MACROD2: variants seen among roughly 807,000 people sequenced by gnomAD.
The protein encoded by MACROD2 is mono-ADP ribosylhydrolase 2.
In MACROD2, 36 loss-of-function variants were observed where a neutral mutation model predicts 70.4. The observed-to-expected ratio is 0.51, with a 90% CI of 0.39 to 0.68. The LOEUF (loss-of-function observed/expected upper bound fraction) is 0.68, where lower values mean the gene tolerates loss of function less well. Ranked by LOEUF, MACROD2 falls within the 30% of genes least tolerant of loss-of-function variation. The probability of loss-of-function intolerance (pLI) is 0.00; values close to 1 mark genes in which losing one functional copy is unlikely to be tolerated. For synonymous variants in MACROD2, 172 were observed against 178.8 expected (o/e 0.96, Z 0.30); for missense variants, 496 against 538.4 (o/e 0.92, Z 0.78).
At chr20:14,576,635 C>T (rs62202890) in intron 4 of MACROD2, among the ~76,000 whole-genome samples, 147 of 152,122 alleles carry the variant, frequency 9.7e-4, no homozygotes, top group Middle Eastern at 3.4e-3. Flanking sequence ...ATGGATCCAA[C>T]GTAAATGTGT....
intron 5 of MACROD2, among the ~76,000 whole-genome samples, chr20:14,727,478 T>C (rs926709045): frequency 2.0e-5 from 3 of 151,694 alleles, no homozygotes; most frequent in Non-Finnish European, 4.4e-5. Flanking sequence ...GAAGCTGCAG[T>C]GAGCCATGAT....
chr20:15,681,371 G>A (rs919917320), intron 8 of MACROD2, among the ~76,000 whole-genome samples: 14 of 152,202 alleles, frequency 9.2e-5, no homozygotes, highest in Admixed American at 7.2e-4. Context: ...GGGGCCTAGT[G>A]ACAGGTGAGA....
At chr20:14,608,016 G>T (rs1982916104) in intron 4 of MACROD2, among the ~76,000 whole-genome samples, 1 of 152,142 alleles carries the variant, frequency 6.6e-6, no homozygotes, top group Admixed American at 6.6e-5. Flanking sequence ...ACTTTGGGAG[G>T]CCGAGGTGGG....
At position 14,684,951 on chromosome 20, in the gene MACROD2, C is replaced by A; in HGVS notation, c.410C>A (p.Pro137His). ...AAAATCACATGTGGCTATGACCTTC[C>A]TGCAAAATGTGAGTACAACTGAATA... is the stretch of plus-strand genomic sequence containing the variant. ...HAKITCGYDL[P>H]AKYVIHTVGP... Residue 137 changes from proline (P) to histidine (H), a missense_variant, in exon 5 of 18, where the codon CCT becomes CAT. Physicochemically the swap from Pro to His is moderately conservative, Grantham distance 77. Coordinates refer to ENST00000684519, the MANE Select transcript of MACROD2 (RefSeq NM_001351661.2). 1 of 1,612,732 alleles carries A rather than the reference C, an allele frequency of 6.2e-7. No individual in the cohort carries two copies. The highest frequency in any genetic ancestry group is 8.5e-7 in the Non-Finnish European group (1 of 1,178,904).
At position 15,933,315 on chromosome 20, in the gene MACROD2, T is replaced by A. The variant is rs376699046; in HGVS notation, c.815T>A (p.Met272Lys). 10 of 1,613,238 alleles carry A rather than the reference T, an allele frequency of 6.2e-6. No homozygotes were observed. The African/African-American group carries it at 1.2e-4, about 19-fold the overall frequency. The stretch of plus-strand genomic sequence containing the variant: ...GAGGAGAAGCAAAGTGTGGAAGAAA[T>A]GGAAGAGCAGAGCCAAGATGCAGGT... The part of the protein sequence containing the change: ...GPEEKQSVEE[M>K]EEQSQDADGV... The change falls in exon 11 of 18, where the codon ATG (methionine) becomes AAG (lysine). Residue 272 changes from methionine (M) to lysine (K), a missense_variant. Coordinates refer to ENST00000684519, the MANE Select transcript of MACROD2 (RefSeq NM_001351661.2).
intron 5 of MACROD2, among the ~76,000 whole-genome samples, chr20:15,022,690 C>A (rs960064828): frequency 6.6e-6 from 1 of 152,072 alleles, no homozygotes. Flanking sequence ...TAACTCTTCT[C>A]ATTACATAGC....
At chr20:15,398,300 T>G (rs886899868) in intron 6 of MACROD2, among the ~76,000 whole-genome samples, 2 of 152,224 alleles carry the variant, frequency 1.3e-5, no homozygotes, top group African/African-American at 4.8e-5. Context: ...TCTTGATTTT[T>G]TATAGAAGAA....
intron 6 of MACROD2, among the ~76,000 whole-genome samples, chr20:15,402,815 G>T (rs1294835502): frequency 6.6e-6 from 1 of 152,144 alleles, no homozygotes; most frequent in African/African-American, 2.4e-5. Context: ...GCTTTAATTA[G>T]GTATCTCAGT....
chr20:14,612,487 T>C (rs1447270671), intron 4 of MACROD2, among the ~76,000 whole-genome samples: 5 of 152,038 alleles, frequency 3.3e-5, no homozygotes. Context: ...ATAATTATTA[T>C]GGGAGTATGA....
At chr20:14,177,631 A>G (rs542907186) in intron 3 of MACROD2, among the ~76,000 whole-genome samples, 15 of 152,208 alleles carry the variant, frequency 9.9e-5, no homozygotes, top group Admixed American at 2.6e-4. Flanking sequence ...TTCTTCTATA[A>G]CTAAAACACC....
chr20:14,034,664 A>G (rs1490400451), intron 2 of MACROD2, among the ~76,000 whole-genome samples: 1 of 152,142 alleles, frequency 6.6e-6, no homozygotes, highest in African/African-American at 2.4e-5. Context: ...GTGAGATTAA[A>G]CCTGTTTTAA....
chr20:15,591,586 TAAAAAAAAAA>T lies in MACROD2; in HGVS notation c.645+91760_645+91769del, dbSNP rs11471295. ...TCCTAGTTCTGAGGAAAGCCAGTAC[TAAAAAAAAAA>T]AAAAAAAAAAAAAAAAAAAAGACAA... On this transcript the variant is annotated intron_variant, in intron 8 of 17. Transcript: ENST00000684519. Among the ~76,000 whole-genome samples, 34 of 65,138 alleles carry T rather than the reference TAAAAAAAAAA, an allele frequency of 5.2e-4. 1 individual carries two copies. The highest frequency in any genetic ancestry group is 3.4e-3 in the South Asian group (4 of 1,170). 42.7% of individuals were successfully genotyped at this position (65,138 alleles called of 152,430 possible). A position where few individuals can be genotyped will look rare whatever the true frequency, so the allele number is the denominator to read the frequency against.
chr20:15,541,288 C>T (rs1454059783), intron 8 of MACROD2, among the ~76,000 whole-genome samples: 1 of 152,092 alleles, frequency 6.6e-6, no homozygotes, highest in Non-Finnish European at 1.5e-5. Context: ...ACTATAATCT[C>T]TTTTATTTGT....
chr20:15,807,396 A>G (rs1280474736), intron 8 of MACROD2, among the ~76,000 whole-genome samples: 1 of 152,190 alleles, frequency 6.6e-6, no homozygotes, highest in East Asian at 1.9e-4. Flanking sequence ...TTCTGAATTC[A>G]TTGTGGGTCG....
At chr20:14,089,406 G>T (rs2054120143) in intron 3 of MACROD2, among the ~76,000 whole-genome samples, 1 of 152,156 alleles carries the variant, frequency 6.6e-6, no homozygotes, top group Non-Finnish European at 1.5e-5. Context: ...AGTACCCCTA[G>T]TCACTATGCC....
rs199879619 is a variant in MACROD2 at position 15,163,691 on chromosome 20, CT to C, written c.419-66238del. 1.2e-3 allele frequency among the ~76,000 whole-genome samples: 177 copies of C among 145,572 alleles called. 1 individual carries two copies. Among genetic ancestry groups the C allele is most frequent in the South Asian group, 0.011 (49 of 4,584 alleles). On this transcript the variant is annotated intron_variant, in intron 5 of 17. Transcript: ENST00000684519. ...TTGAGTATGACCCTCAAATTAAAAC[CT>C]TTTTTTTTTTAACATTTTTAATGGA...
chr20:14,862,221 A>ATATAAATATATATTAATATATT (rs1190558968), intron 5 of MACROD2, among the ~76,000 whole-genome samples: 1 of 21,128 alleles, frequency 4.7e-5, no homozygotes. Flanking sequence ...ATATATATAT[A>ATATAAATATATATTAATATATT]AATATATATA....
At chr20:15,742,071 A>G (rs2146966430) in intron 8 of MACROD2, among the ~76,000 whole-genome samples, 3 of 152,256 alleles carry the variant, frequency 2.0e-5, no homozygotes, top group Middle Eastern at 6.8e-3. Flanking sequence ...ATAATTTGAC[A>G]CTTTGGTAAG....
intron 6 of MACROD2, among the ~76,000 whole-genome samples, chr20:15,295,087 T>A (rs2077574072): frequency 2.0e-5 from 3 of 152,204 alleles, no homozygotes. Context: ...TTTCCCATGC[T>A]GTTTCATGGT....
Sources: gnomAD v4.1 joint callset for allele counts (sites outside exome capture counted in the v4.1 genomes callset) on GRCh38, gnomAD v4.1.1 for gene constraint, MANE v1.5 for transcripts, NCBI Gene and HGNC (gene_info 2026-07-23, HGNC 2026-07-21) for gene names.